The following ASIC2 variants were observed in gnomAD, a reference collection of about 807,000 sequenced individuals.
ASIC2 encodes the protein acid-sensing ion channel 2.
Under a neutral mutation model 57.3 loss-of-function variants are expected in ASIC2, and 25 were observed. That is an observed-to-expected ratio of 0.44 (90% CI 0.32 to 0.61). The LOEUF is 0.61. Ranked by LOEUF, ASIC2 falls within the 20% of genes least tolerant of loss-of-function variation. ASIC2 has a pLI of 0.06. For synonymous variants in ASIC2, 319 were observed against 307.5 expected (o/e 1.04, Z -0.39); for missense variants, 641 against 738.1 (o/e 0.87, Z 1.52).
chr17:33,579,382 A>G lies in ASIC2; in HGVS notation c.556-467315T>C, dbSNP rs560242286. Among the ~76,000 whole-genome samples the G allele has an allele frequency of 5.3e-5, 8 of 151,632 alleles. No homozygotes were observed. In the East Asian group the frequency reaches 1.2e-3, roughly 22 times the overall value. On this transcript the variant is annotated intron_variant, in intron 1 of 9. Transcript: ENST00000359872. ...CTTGGTATGTTTACAAACCTCTAACACTCCGCCTCATTATTCTGGAGGGGA... is the reference window on the plus strand; with the variant it reads ...CTTGGTATGTTTACAAACCTCTAACGCTCCGCCTCATTATTCTGGAGGGGA...
At chr17:33,637,072 C>T (rs1906395279) in intron 1 of ASIC2, among the ~76,000 whole-genome samples, 2 of 151,996 alleles carry the variant, frequency 1.3e-5, no homozygotes, top group Admixed American at 6.6e-5. Flanking sequence ...CCACTATTGT[C>T]CCTATGCAAG....
chr17:33,178,051 C>G (rs960763818), intron 1 of ASIC2, among the ~76,000 whole-genome samples: 2 of 152,138 alleles, frequency 1.3e-5, no homozygotes, highest in African/African-American at 4.8e-5. Context: ...TTCCTAGCTT[C>G]CCCTGAAGGT....
chr17:33,203,469 C>T (rs1366652474), intron 1 of ASIC2, among the ~76,000 whole-genome samples: 2 of 152,210 alleles, frequency 1.3e-5, no homozygotes, highest in African/African-American at 2.4e-5. Flanking sequence ...TTTTCCTTCT[C>T]TCCCCACGTG....
intron 1 of ASIC2, among the ~76,000 whole-genome samples, chr17:34,109,743 CTCAT>C (rs1384303264): frequency 2.6e-5 from 4 of 152,126 alleles, no homozygotes; most frequent in Non-Finnish European, 5.9e-5. Flanking sequence ...TGAGGACTTG[CTCAT>C]TCATATACTC....
intron 2 of ASIC2, among the ~76,000 whole-genome samples, chr17:33,091,921 A>T (rs1045422840): frequency 2.2e-4 from 34 of 152,212 alleles, no homozygotes; most frequent in African/African-American, 8.0e-4. Context: ...TTTTCATTTT[A>T]TTTAATGTTA....
At chr17:34,021,023 T>C (rs749340766) in intron 1 of ASIC2, among the ~76,000 whole-genome samples, 17 of 152,098 alleles carry the variant, frequency 1.1e-4, no homozygotes, top group Admixed American at 2.0e-4. Flanking sequence ...CCTGTCTCCA[T>C]GTTCCTCACC....
At chr17:33,909,148 G>A (rs1476012027) in intron 1 of ASIC2, among the ~76,000 whole-genome samples, 1 of 152,148 alleles carries the variant, frequency 6.6e-6, no homozygotes, top group Non-Finnish European at 1.5e-5. Context: ...GAAGGCAGAG[G>A]CATCTCCATA....
intron 1 of ASIC2, among the ~76,000 whole-genome samples, chr17:33,704,715 G>A (rs1381397205): frequency 1.3e-5 from 2 of 152,148 alleles, no homozygotes; most frequent in Non-Finnish European, 2.9e-5. Flanking sequence ...CTGCCTTGGG[G>A]ATCATTACTT....
intron 1 of ASIC2, among the ~76,000 whole-genome samples, chr17:33,240,684 G>A (rs1245369561): frequency 3.9e-5 from 6 of 151,926 alleles, no homozygotes; most frequent in South Asian, 2.1e-4. Context: ...AGCCAGGAGC[G>A]GGAAGGAGCT....
chr17:33,635,721 T>C (rs571599182), intron 1 of ASIC2, among the ~76,000 whole-genome samples: 1 of 152,328 alleles, frequency 6.6e-6, no homozygotes, highest in East Asian at 1.9e-4. Context: ...GAAATTGCCC[T>C]GCATATTAAT....
At chr17:33,110,445 A>G (rs573001731) in intron 2 of ASIC2, among the ~76,000 whole-genome samples, 3 of 152,324 alleles carry the variant, frequency 2.0e-5, no homozygotes, top group Admixed American at 1.3e-4. Flanking sequence ...AGTACACAGG[A>G]TCAACAAAGT....
intron 1 of ASIC2, among the ~76,000 whole-genome samples, chr17:33,585,971 T>A: frequency 6.6e-6 from 1 of 152,166 alleles, no homozygotes; most frequent in East Asian, 1.9e-4. Flanking sequence ...ACTAAGTAAC[T>A]AGGGAAGAAG....
At chr17:33,518,982 A>T (rs1350025215) in intron 1 of ASIC2, among the ~76,000 whole-genome samples, 4 of 151,954 alleles carry the variant, frequency 2.6e-5, no homozygotes, top group Non-Finnish European at 5.9e-5. Flanking sequence ...CACTGCGTCC[A>T]GCTAATTTTT....
At chr17:33,068,406 G>A (rs1308383905) in intron 3 of ASIC2, among the ~76,000 whole-genome samples, 2 of 152,194 alleles carry the variant, frequency 1.3e-5, no homozygotes, top group Admixed American at 6.5e-5. Flanking sequence ...GGTGGTGCAT[G>A]CCTGTAATCT....
intron 3 of ASIC2, among the ~76,000 whole-genome samples, chr17:33,075,704 C>G (rs1399676433): frequency 1.3e-5 from 2 of 152,154 alleles, no homozygotes. Flanking sequence ...CCACAAACAC[C>G]AGCTGAGCCC....
Position 33,088,839 on chromosome 17 carries a change from A to G in ASIC2, c.987+24T>C, listed in dbSNP as rs756497058. ...GGTCGGGGGAGGCTGAGGACCATCA[A>G]TCCTGGGAGCCCAGGGAACTTACCC... On this transcript the variant is annotated intron_variant, in intron 3 of 9. Coordinates refer to ENST00000225823, the MANE Select transcript of ASIC2 (RefSeq NM_183377.2). 42 of 1,597,352 alleles carry G rather than the reference A, an allele frequency of 2.6e-5. No homozygotes were observed. The African/African-American group carries it at 4.8e-4, about 18-fold the overall frequency.
chr17:34,086,687 G>T (rs891212355), intron 1 of ASIC2, among the ~76,000 whole-genome samples: 14 of 152,098 alleles, frequency 9.2e-5, no homozygotes, highest in African/African-American at 2.7e-4. Context: ...TCTCTTTGTA[G>T]GTCACTCAGG....
intron 1 of ASIC2, among the ~76,000 whole-genome samples, chr17:33,347,918 A>G (rs945550103): frequency 2.0e-5 from 3 of 152,202 alleles, no homozygotes; most frequent in African/African-American, 7.2e-5. Flanking sequence ...CCTGGCCAAC[A>G]TGGTGAAACC....
chr17:33,084,526 T>C (rs1340042829), intron 3 of ASIC2, among the ~76,000 whole-genome samples: 1 of 152,194 alleles, frequency 6.6e-6, no homozygotes, highest in Non-Finnish European at 1.5e-5. Context: ...ACCCTGCTGC[T>C]CCCCTAGCTA....
Sources: allele counts gnomAD v4.1 joint callset (sites outside exome capture counted in the v4.1 genomes callset), GRCh38; gene constraint gnomAD v4.1.1; transcripts MANE v1.5; gene names NCBI Gene and HGNC (gene_info 2026-07-23, HGNC 2026-07-21).